Variants in TTK observed in about 807,000 individuals in gnomAD.
The protein encoded by TTK is TTK protein kinase, also known as dual specificity protein kinase TTK.
TTK carries 59 observed loss-of-function variants against 117.3 expected under a neutral mutation model. The ratio of observed to expected loss-of-function variants is 0.50; its 90% CI spans 0.41 to 0.62. TTK has a LOEUF of 0.62. Ranked by LOEUF, TTK falls within the 20% of genes least tolerant of loss-of-function variation. The pLI, the probability that TTK is intolerant of heterozygous loss-of-function variation, is 0.00. For synonymous variants in TTK, 302 were observed against 325.0 expected, an observed-to-expected ratio of 0.93 and a Z score of 0.76; for missense variants, 921 against 989.4, an observed-to-expected ratio of 0.93 and a Z score of 0.93.
At chr6:80,040,760 CTT>C in intron 21 of TTK, 57 bp downstream of exon 21, 1 of 1,524,184 alleles carries the variant, frequency 6.6e-7, no homozygotes, top group Non-Finnish European at 8.9e-7. Context: ...GAATTCGACA[CTT>C]AAGGAAACAG....
intron 11 of TTK, among the ~76,000 whole-genome samples, chr6:80,024,244 TC>T (rs1167027072): frequency 6.6e-6 from 1 of 152,200 alleles, no homozygotes; most frequent in Non-Finnish European, 1.5e-5. Context: ...ATCCAATAAT[TC>T]CACTCCTAGG....
chr6:80,037,016 GA>G (rs1361556419), intron 17 of TTK, among the ~76,000 whole-genome samples: 2 of 151,508 alleles, frequency 1.3e-5, no homozygotes, highest in Non-Finnish European at 2.9e-5. Flanking sequence ...ACTGAAATTG[GA>G]AAAAAAATTC....
In TTK at chr6:80,036,568, C is replaced by G. The variant is rs930668121; in HGVS notation, c.2018C>G (p.Pro673Arg). The G allele has an allele frequency of 1.3e-5, 21 of 1,610,842 alleles. No individual in the cohort carries two copies. Among genetic ancestry groups the G allele is most frequent in the African/African-American group, 2.7e-5 (2 of 74,768 alleles). The change falls in exon 17 of 22, where the codon CCA becomes CGA. Residue 673 changes from proline (P) to arginine (R), a missense_variant. By Grantham distance (103) the Pro-to-Arg change is moderately radical (BLOSUM62 -2). Coordinates refer to ENST00000369798, the MANE Select transcript of TTK (RefSeq NM_003318.5). ...TTTGGGATTGCAAACCAAATGCAAC[C>G]AGATACAACAAGTGTTGTTAAAGAT... ...IDFGIANQMQ[P>R]DTTSVVKDSQ...
intron 11 of TTK, among the ~76,000 whole-genome samples, chr6:80,024,261 A>G (rs1767545654): frequency 6.6e-6 from 1 of 152,228 alleles, no homozygotes; most frequent in Non-Finnish European, 1.5e-5. Flanking sequence ...CTAGGTTTGT[A>G]GTTAAGAGAA....
intron 8 of TTK, among the ~76,000 whole-genome samples, chr6:80,012,268 G>T (rs1767180495): frequency 6.6e-6 from 1 of 152,024 alleles, no homozygotes; most frequent in Non-Finnish European, 1.5e-5. Context: ...CTTACGGGTA[G>T]GCTGTCTGCT....
At chr6:80,012,375 T>C (rs1767183874) in intron 8 of TTK, among the ~76,000 whole-genome samples, 1 of 151,994 alleles carries the variant, frequency 6.6e-6, no homozygotes, top group African/African-American at 2.4e-5. Flanking sequence ...GGAGAATCGC[T>C]GTCAGTGGGA....
In TTK at chr6:80,007,992, GTTTT is replaced by G; in HGVS notation, c.324_327del (p.Ser108ArgfsTer6). 2,491 of 1,354,984 alleles carry G rather than the reference GTTTT, an allele frequency of 1.8e-3. No individual in the cohort carries two copies. The highest frequency in any genetic ancestry group is 2.4e-3 in the Non-Finnish European group (2,261 of 961,750). 83.9% of individuals were successfully genotyped at this position (1,354,984 alleles called of 1,614,324 possible). ...CCAGATAAATATGGCCAAAATGAGAGTTTTGCTAGAATTCAAGTGAGATTTGCTG... is the reference window on the plus strand; with the variant it reads ...CCAGATAAATATGGCCAAAATGAGAGGCTAGAATTCAAGTGAGATTTGCTG... On this transcript the variant is annotated frameshift_variant, in exon 3 of 22. Transcript: ENST00000369798. LOFTEE classifies it high-confidence loss of function.
chr6:80,042,090 C>T, intron 21 of TTK, 29 bp from the exon 22 acceptor site: 1 of 1,464,990 alleles, frequency 6.8e-7, no homozygotes, highest in East Asian at 2.3e-5. Flanking sequence ...TAAAAAATTG[C>T]AAAACAGATT....
At chr6:80,028,596 G>A (rs1182985886) in intron 13 of TTK, among the ~76,000 whole-genome samples, 1 of 152,020 alleles carries the variant, frequency 6.6e-6, no homozygotes, top group East Asian at 1.9e-4. Flanking sequence ...GGGGTTACAG[G>A]CATGAGCCAC....
At chr6:80,023,782 A>G (rs1647619291) in intron 11 of TTK, among the ~76,000 whole-genome samples, 1 of 152,212 alleles carries the variant, frequency 6.6e-6, no homozygotes, top group Admixed American at 6.5e-5. Flanking sequence ...CATTCAATGT[A>G]TTTCATTATT....
At chr6:80,023,586 C>T (rs1163208371) in intron 11 of TTK, among the ~76,000 whole-genome samples, 2 of 152,142 alleles carry the variant, frequency 1.3e-5, no homozygotes, top group Non-Finnish European at 2.9e-5. Context: ...GAGCGAGACT[C>T]TGTCTCAAAA....
At chr6:80,027,365 T>C (rs904635810) in intron 12 of TTK, among the ~76,000 whole-genome samples, 1 of 152,172 alleles carries the variant, frequency 6.6e-6, no homozygotes, top group Non-Finnish European at 1.5e-5. Flanking sequence ...CTAGGTTAAT[T>C]ATTGTTAACA....
chr6:80,024,459 G>A (rs772161534), intron 11 of TTK, among the ~76,000 whole-genome samples: 4 of 152,198 alleles, frequency 2.6e-5, no homozygotes, highest in Non-Finnish European at 4.4e-5. Flanking sequence ...TACAACATAA[G>A]TGAACATTTA....
At position 80,005,949 on chromosome 6, in the gene TTK, C is replaced by T; in HGVS notation, c.106C>T (p.Leu36=). The T allele has an allele frequency of 6.2e-7, 1 of 1,609,584 alleles. No individual in the cohort carries two copies. The highest frequency in any genetic ancestry group is 8.5e-7 in the Non-Finnish European group (1 of 1,178,904). The change falls in exon 2 of 22, where the codon CTA becomes TTA. Residue 36 remains leucine (L), a synonymous_variant. Transcript: ENST00000369798. ...KFKNEDLTDE[L]SLNKISADTT... ...TAAAAATGAAGACCTTACTGATGAACTAAGCTTGAATAAAATTTCTGCTGA... is the reference window on the plus strand; with the variant it reads ...TAAAAATGAAGACCTTACTGATGAATTAAGCTTGAATAAAATTTCTGCTGA...
chr6:80,019,678 G>T (rs1401786534), intron 10 of TTK, among the ~76,000 whole-genome samples: 2 of 152,224 alleles, frequency 1.3e-5, no homozygotes, highest in East Asian at 3.9e-4. Flanking sequence ...AATATATTTT[G>T]CCGATAACTC....
chr6:80,032,726 A>G (rs1037650399), intron 14 of TTK, among the ~76,000 whole-genome samples: 7 of 152,130 alleles, frequency 4.6e-5, no homozygotes, highest in Non-Finnish European at 1.0e-4. Flanking sequence ...TCTAGAATCT[A>G]TTTCTCACAT....
At position 80,040,124 on chromosome 6, in the gene TTK, G is replaced by C. The variant is rs116965271; in HGVS notation, c.2308-72G>C. 5.0e-6 allele frequency: 6 copies of C among 1,205,550 alleles called. No homozygotes were observed. The Admixed American group carries it at 1.1e-4, about 22-fold the overall frequency. The allele number at this position is 1,205,550 out of a possible 1,614,324, so 74.7% of individuals were successfully genotyped here. Reference sequence around the variant, plus strand: ...AACTTTTATAATATAATGTAATCTGGAAAAATACTTTATCAATATCATATA... The same window carrying C: ...AACTTTTATAATATAATGTAATCTGCAAAAATACTTTATCAATATCATATA... On this transcript the variant is annotated intron_variant, in intron 19 of 21. Coordinates refer to ENST00000369798, the MANE Select transcript of TTK (RefSeq NM_003318.5).
Position 80,011,917 on chromosome 6 carries a change from T to TTA in TTK, c.834_835insAT (p.Leu279IlefsTer2), listed in dbSNP as rs768396589. 6.2e-7 allele frequency: 1 copy of TTA among 1,612,650 alleles called. No individual in the cohort carries two copies. The highest frequency in any genetic ancestry group is 1.1e-5 in the South Asian group (1 of 90,942). On this transcript the variant is annotated frameshift_variant, in exon 8 of 22. Transcript: ENST00000369798. LOFTEE classifies it high-confidence loss of function. ...CCATTTGGAAGAGTCCCAGTTAACC[T>TTA]TCTAAATAGCCCAGATTGTGATGTG...
Position 80,042,425 on chromosome 6 carries a change from A to G in TTK, c.*223A>G, listed in dbSNP as rs1036539503. ...TTTCTCTGTTTTATGCTCTTGTGTA[A>G]TCTACTTGACATCATTTTACTCTTG... On this transcript the variant is annotated 3_prime_UTR_variant, in exon 22 of 22. Coordinates refer to ENST00000369798, the MANE Select transcript of TTK (RefSeq NM_003318.5). The G allele has an allele frequency of 1.7e-5, 5 of 299,446 alleles. No homozygotes were observed. Among genetic ancestry groups the G allele is most frequent in the African/African-American group, 1.1e-4 (5 of 46,440 alleles). 18.5% of individuals were successfully genotyped at this position (299,446 alleles called of 1,614,324 possible).
Sources: gnomAD v4.1 joint callset for allele counts (sites outside exome capture counted in the v4.1 genomes callset) on GRCh38, gnomAD v4.1.1 for gene constraint, MANE v1.5 for transcripts, NCBI Gene and HGNC (gene_info 2026-07-23, HGNC 2026-07-21) for gene names.